CUL3: variants seen among roughly 807,000 people sequenced by gnomAD.
CUL3 encodes cullin 3.
A neutral mutation model predicts 89.1 loss-of-function variants in CUL3; 19 were observed. The ratio of observed to expected loss-of-function variants is 0.21; its 90% CI spans 0.15 to 0.31. CUL3 has a LOEUF of 0.31. CUL3 is among the 10% of genes least tolerant of loss of function. The pLI, the probability that CUL3 is intolerant of heterozygous loss-of-function variation, is 1.00. For synonymous variants in CUL3, 351 were observed against 308.4 expected (o/e 1.14, Z -1.45); for missense variants, 469 against 942.3 (o/e 0.50, Z 6.58).
chr2:224,497,831 G>A lies in CUL3; in HGVS notation c.1629C>T (p.His543=). 1 of 1,613,798 alleles carries A rather than the reference G, an allele frequency of 6.2e-7. No homozygotes were observed. Among genetic ancestry groups the A allele is most frequent in the Non-Finnish European group, 8.5e-7 (1 of 1,179,736 alleles). ...GCTGGAGTGTGAGCTGTCGACCACT[G>A]TGTTTGGCTAAGTAGAACCTTCAGT... ...EIFRRFYLAK[H]SGRQLTLQHH... The change falls in exon 12 of 16, where the codon CAC becomes CAT. Residue 543 remains histidine (H), a synonymous_variant. Coordinates refer to ENST00000264414, the MANE Select transcript of CUL3 (RefSeq NM_003590.5).
chr2:224,522,599 G>A (rs767111290), intron 3 of CUL3, among the ~76,000 whole-genome samples: 4 of 152,084 alleles, frequency 2.6e-5, no homozygotes, highest in African/African-American at 9.7e-5. Context: ...AGGCCGAGGC[G>A]GGCGGATCAT....
chr2:224,539,647 T>C (rs1425033913), intron 2 of CUL3, among the ~76,000 whole-genome samples: 2 of 151,970 alleles, frequency 1.3e-5, no homozygotes, highest in Non-Finnish European at 2.9e-5. Flanking sequence ...TATTAAGCCA[T>C]GAAGAGATAT....
chr2:224,483,627 C>T (rs866252200), intron 13 of CUL3, among the ~76,000 whole-genome samples: 11 of 152,054 alleles, frequency 7.2e-5, no homozygotes, highest in African/African-American at 2.2e-4. Context: ...TATACATGAA[C>T]GTACACGAAC....
intron 9 of CUL3, among the ~76,000 whole-genome samples, chr2:224,503,378 C>G (rs1206664577): frequency 6.6e-6 from 1 of 152,194 alleles, no homozygotes; most frequent in Non-Finnish European, 1.5e-5. Context: ...AACTACACAG[C>G]ATAGCCTCTT....
chr2:224,494,979 C>T (rs899649140), intron 13 of CUL3: 4 of 151,840 alleles, frequency 2.6e-5, no homozygotes, highest in Non-Finnish European at 5.9e-5. Context: ...ATACTCAGAG[C>T]ACATATATCT....
chr2:224,478,458 AT>A, intron 14 of CUL3, 113 bp from the exon 15 acceptor site: 1 of 865,988 alleles, frequency 1.2e-6, no homozygotes. Context: ...CAGCCTCTGA[AT>A]ATACACACTT....
At chr2:224,494,441 AG>A (rs373151204) in intron 13 of CUL3, among the ~76,000 whole-genome samples, 55 of 152,262 alleles carry the variant, frequency 3.6e-4, no homozygotes, top group African/African-American at 1.2e-3. Context: ...GAAAAGGAAA[AG>A]GAAAAAAAAG....
At chr2:224,514,861 T>C in intron 3 of CUL3, 89 bp from the exon 4 acceptor site, 1 of 958,338 alleles carries the variant, frequency 1.0e-6, no homozygotes. Context: ...GAAATAAAAT[T>C]CCAAAAGCAA....
intron 13 of CUL3, among the ~76,000 whole-genome samples, chr2:224,484,501 TTTATG>T (rs1282548019): frequency 6.6e-5 from 10 of 152,182 alleles, no homozygotes; most frequent in South Asian, 6.2e-4. Context: ...GTTTTCAATT[TTTATG>T]TTATAAGTAA....
At chr2:224,558,858 C>CA (rs1553536019) in intron 1 of CUL3, among the ~76,000 whole-genome samples, 3 of 63,712 alleles carry the variant, frequency 4.7e-5, no homozygotes, top group East Asian at 5.6e-4. Flanking sequence ...CTGGCTAATA[C>CA]GGTCTCTACT....
At chr2:224,516,988 A>T (rs982493856) in intron 3 of CUL3, among the ~76,000 whole-genome samples, 2 of 152,048 alleles carry the variant, frequency 1.3e-5, no homozygotes, top group African/African-American at 2.4e-5. Context: ...ACCTTTTCCT[A>T]CTGTCATAAC....
Position 224,474,927 on chromosome 2 carries a change from C to T in CUL3, c.2176-551G>A, listed in dbSNP as rs138669272. ...TACTATCAGGATTCTAAGTACTGTGCTATATATAATAATAAAATAATAACT... is the reference window on the plus strand; with the variant it reads ...TACTATCAGGATTCTAAGTACTGTGTTATATATAATAATAAAATAATAACT... On this transcript the variant is annotated intron_variant, in intron 15 of 15. Transcript: ENST00000264414. Among the ~76,000 whole-genome samples, 324 of 152,292 alleles carry T rather than the reference C, an allele frequency of 2.1e-3. 2 individuals carry two copies. The highest frequency in any genetic ancestry group is 3.4e-3 in the Middle Eastern group (1 of 294).
chr2:224,519,761 A>T (rs1201553739), intron 3 of CUL3, among the ~76,000 whole-genome samples: 2 of 152,210 alleles, frequency 1.3e-5, no homozygotes, highest in Non-Finnish European at 2.9e-5. Flanking sequence ...GCACACATAT[A>T]TTCACAGTAA....
intron 1 of CUL3, among the ~76,000 whole-genome samples, chr2:224,561,780 T>G (rs955608282): frequency 6.6e-6 from 1 of 152,212 alleles, no homozygotes; most frequent in Non-Finnish European, 1.5e-5. Flanking sequence ...CAAGGCCATG[T>G]AATAATGATG....
intron 6 of CUL3, among the ~76,000 whole-genome samples, chr2:224,510,511 C>T (rs1357497287): frequency 1.3e-5 from 2 of 151,766 alleles, no homozygotes; most frequent in Non-Finnish European, 2.9e-5. Flanking sequence ...AGCTCATGAC[C>T]CCAACAGGCA....
At chr2:224,505,112 A>C (rs1692543004) in intron 8 of CUL3, among the ~76,000 whole-genome samples, 1 of 151,010 alleles carries the variant, frequency 6.6e-6, no homozygotes, top group Non-Finnish European at 1.5e-5. Context: ...ATGACTGTTT[A>C]CCAACTACAG....
chr2:224,493,973 TA>T (rs913368545), intron 13 of CUL3, among the ~76,000 whole-genome samples: 6 of 151,856 alleles, frequency 4.0e-5, no homozygotes, highest in African/African-American at 1.2e-4. Context: ...AAAATAAAAG[TA>T]AAAAAAATTC....
At chr2:224,536,483 C>G (rs1693904313) in intron 2 of CUL3, among the ~76,000 whole-genome samples, 2 of 152,184 alleles carry the variant, frequency 1.3e-5, no homozygotes, top group South Asian at 2.1e-4. Context: ...GTTTCTTCCA[C>G]TAAAATGTAA....
intron 1 of CUL3, among the ~76,000 whole-genome samples, chr2:224,575,035 A>G (rs1270156551): frequency 6.6e-6 from 1 of 152,226 alleles, no homozygotes; most frequent in Non-Finnish European, 1.5e-5. Flanking sequence ...CAGGAAAAAG[A>G]CATTTTCCTT....
Sources: gnomAD v4.1 joint callset for allele counts (sites outside exome capture counted in the v4.1 genomes callset) on GRCh38, gnomAD v4.1.1 for gene constraint, MANE v1.5 for transcripts, NCBI Gene and HGNC (gene_info 2026-07-23, HGNC 2026-07-21) for gene names.